Variants in OTUD7A observed in about 807,000 individuals in gnomAD.
OTUD7A encodes the protein OTU domain-containing protein 7A.
Under a neutral mutation model 65.7 loss-of-function variants are expected in OTUD7A, and 12 were observed. That is an observed-to-expected ratio of 0.18 (90% CI 0.12 to 0.30). The LOEUF (loss-of-function observed/expected upper bound fraction) is 0.30. OTUD7A is among the 10% of genes least tolerant of loss of function. The probability of loss-of-function intolerance (pLI) is 1.00; values close to 1 mark genes in which losing one functional copy is unlikely to be tolerated. For synonymous variants in OTUD7A, 641 were observed against 586.3 expected (o/e 1.09, Z -1.35); for missense variants, 1,148 against 1,304.8 (o/e 0.88, Z 1.85).
intron 1 of OTUD7A, among the ~76,000 whole-genome samples, chr15:31,821,303 CTTTTTTT>C (rs57817074): frequency 1.5e-4 from 17 of 113,204 alleles, no homozygotes; most frequent in African/African-American, 6.5e-4. Flanking sequence ...GCCCAGGTAC[CTTTTTTT>C]TTTTTTTTTT....
intron 1 of OTUD7A, among the ~76,000 whole-genome samples, chr15:31,841,186 T>C (rs1897173673): frequency 6.6e-6 from 1 of 152,126 alleles, no homozygotes; most frequent in Non-Finnish European, 1.5e-5. Context: ...CAGGCTAAGC[T>C]CCAGCCCCTT....
At chr15:31,803,626 A>G (rs1459698945) in intron 1 of OTUD7A, among the ~76,000 whole-genome samples, 1 of 152,224 alleles carries the variant, frequency 6.6e-6, no homozygotes, top group Non-Finnish European at 1.5e-5. Context: ...GCTGAGTCCC[A>G]CAGCTAAAGT....
At chr15:31,815,096 C>A (rs114495088) in intron 1 of OTUD7A, among the ~76,000 whole-genome samples, 2,362 of 152,256 alleles carry the variant, frequency 0.016, 65 homozygotes, top group African/African-American at 0.054. Context: ...AACAGAGGCA[C>A]ACAGAACTCC....
In OTUD7A at chr15:31,483,278, C is replaced by T. The variant is rs927020909; in HGVS notation, c.*16G>A. The T allele has an allele frequency of 1.4e-4, 150 of 1,089,158 alleles. 1 individual carries two copies. The African/African-American group carries it at 2.4e-3, about 18-fold the overall frequency. 67.5% of individuals were successfully genotyped at this position (1,089,158 alleles called of 1,614,324 possible). On this transcript the variant is annotated 3_prime_UTR_variant, in exon 13 of 13. Coordinates refer to ENST00000307050, the MANE Select transcript of OTUD7A (RefSeq NM_001382637.1). The stretch of plus-strand genomic sequence containing the variant: ...CTCGAAGGTAGAACCTCGCCGCCCG[C>T]GCCGCGCCGCGCCGCTCAGGGCCGG...
intron 3 of OTUD7A, among the ~76,000 whole-genome samples, chr15:31,591,838 C>G (rs1459348631): frequency 6.6e-6 from 1 of 152,188 alleles, no homozygotes; most frequent in Non-Finnish European, 1.5e-5. Context: ...CGAACATCAC[C>G]AAGGCACTTA....
intron 1 of OTUD7A, among the ~76,000 whole-genome samples, chr15:31,685,892 T>G (rs1208282612): frequency 6.6e-6 from 1 of 152,246 alleles, no homozygotes; most frequent in Non-Finnish European, 1.5e-5. Flanking sequence ...CTGACCCACC[T>G]TCACACACTT....
Position 31,526,469 on chromosome 15 carries a change from A to G in OTUD7A, c.781-8T>C. The G allele has an allele frequency of 6.4e-7, 1 of 1,571,794 alleles. No individual in the cohort carries two copies. Among genetic ancestry groups the G allele is most frequent in the Non-Finnish European group, 8.6e-7 (1 of 1,163,760 alleles). ...TGTGTACACCAGCCCTGACTGGCAG[A>G]GGGGAGCCGGCTCAGAAGGGGGGTG... On this transcript the variant is annotated splice_region_variant and splice_polypyrimidine_tract_variant and intron_variant, in intron 7 of 12. Coordinates refer to ENST00000307050, the MANE Select transcript of OTUD7A (RefSeq NM_001382637.1).
intron 10 of OTUD7A, among the ~76,000 whole-genome samples, chr15:31,494,665 C>A (rs1315260628): frequency 6.6e-6 from 1 of 152,112 alleles, no homozygotes; most frequent in Non-Finnish European, 1.5e-5. Flanking sequence ...CCAGAGGGTG[C>A]ACTCTGTGCA....
At chr15:31,671,314 T>C (rs1892478648) in intron 1 of OTUD7A, among the ~76,000 whole-genome samples, 1 of 152,222 alleles carries the variant, frequency 6.6e-6, no homozygotes, top group African/African-American at 2.4e-5. Flanking sequence ...CCCAGCACCA[T>C]TTATTAAATA....
chr15:31,573,091 TC>T (rs1347912513), intron 3 of OTUD7A, among the ~76,000 whole-genome samples: 1 of 152,206 alleles, frequency 6.6e-6, no homozygotes, highest in Non-Finnish European at 1.5e-5. Flanking sequence ...AAAATTATCC[TC>T]TTTTAAAGAT....
At chr15:31,754,256 T>G (rs371536556) in intron 1 of OTUD7A, among the ~76,000 whole-genome samples, 38 of 152,326 alleles carry the variant, frequency 2.5e-4, no homozygotes, top group African/African-American at 8.2e-4. Flanking sequence ...TTTTGGATAT[T>G]AGTCCTTTGT....
At chr15:31,563,870 C>A (rs368541819) in intron 4 of OTUD7A, among the ~76,000 whole-genome samples, 1 of 152,146 alleles carries the variant, frequency 6.6e-6, no homozygotes, top group Non-Finnish European at 1.5e-5. Context: ...AGCTTGAGTA[C>A]CCTTCCCCGA....
intron 1 of OTUD7A, among the ~76,000 whole-genome samples, chr15:31,808,136 C>CACA (rs772574742): frequency 8.4e-6 from 1 of 119,418 alleles, no homozygotes; most frequent in African/African-American, 2.8e-5. Context: ...CACACACACA[C>CACA]AAACAAATCC....
intron 1 of OTUD7A, chr15:31,766,020 T>C: frequency 6.4e-7 from 1 of 1,556,002 alleles, no homozygotes. Flanking sequence ...CTGCTTACCG[T>C]ATGAGTAAGT....
At chr15:31,537,706 C>T (rs1232612699) in intron 5 of OTUD7A, among the ~76,000 whole-genome samples, 1 of 152,202 alleles carries the variant, frequency 6.6e-6, no homozygotes, top group Non-Finnish European at 1.5e-5. Context: ...CTTACAAAGG[C>T]ATAAAACTCA....
At chr15:31,679,741 AC>A (rs1892670767) in intron 1 of OTUD7A, among the ~76,000 whole-genome samples, 1 of 152,144 alleles carries the variant, frequency 6.6e-6, no homozygotes, top group South Asian at 2.1e-4. Flanking sequence ...TTTATAAATT[AC>A]CCAATCTTGG....
At chr15:31,868,917 T>A (rs1486426956) in intron 1 of OTUD7A, among the ~76,000 whole-genome samples, 1 of 152,194 alleles carries the variant, frequency 6.6e-6, no homozygotes, top group Non-Finnish European at 1.5e-5. Flanking sequence ...AACTTTTGAG[T>A]GGCATATGGT....
chr15:31,756,762 G>C (rs1487883512), intron 1 of OTUD7A, among the ~76,000 whole-genome samples: 1 of 151,846 alleles, frequency 6.6e-6, no homozygotes, highest in Non-Finnish European at 1.5e-5. Flanking sequence ...TAAATTAGAT[G>C]AAATCAGCTT....
chr15:31,483,678 C>T lies in OTUD7A; in HGVS notation c.2418G>A (p.Gln806=). ...TCTGCGACGACAGCGAGCGGTTCTG[C>T]TGCGGGTACGTGGCGCACGGCCGCA... The part of the protein sequence containing the change: ...GALRPCATYP[Q]QNRSLSSQSY... Residue 806 remains glutamine, a synonymous_variant, in exon 13 of 13, where the codon CAG becomes CAA. Coordinates refer to ENST00000307050, the MANE Select transcript of OTUD7A (RefSeq NM_001382637.1). The T allele has an allele frequency of 8.6e-7, 1 of 1,166,666 alleles. No homozygotes were observed. The highest frequency in any genetic ancestry group is 4.7e-5 in the Admixed American group (1 of 21,118). The allele number at this position is 1,166,666 out of a possible 1,614,324, so 72.3% of individuals were successfully genotyped here. A position where few individuals can be genotyped will look rare whatever the true frequency, so the allele number is the denominator to read the frequency against.
Sources: allele counts gnomAD v4.1 joint callset (sites outside exome capture counted in the v4.1 genomes callset), GRCh38; gene constraint gnomAD v4.1.1; transcripts MANE v1.5; gene names NCBI Gene and HGNC (gene_info 2026-07-23, HGNC 2026-07-21).